Variants in TMEM163 observed in about 807,000 individuals in gnomAD.
TMEM163 encodes transmembrane protein 163.
TMEM163 carries 17 observed loss-of-function variants against 29.3 expected under a neutral mutation model. That is an observed-to-expected ratio of 0.58 (90% CI 0.40 to 0.87). The LOEUF (loss-of-function observed/expected upper bound fraction) is 0.87. TMEM163 is among the 40% of genes least tolerant of loss of function. The pLI, the probability that TMEM163 is intolerant of heterozygous loss-of-function variation, is 0.00. For synonymous variants in TMEM163, 157 were observed against 160.6 expected, an observed-to-expected ratio of 0.98 and a Z score of 0.17; for missense variants, 303 against 381.5, an observed-to-expected ratio of 0.79 and a Z score of 1.71.
At chr2:134,603,855 G>A (rs1362510267) in intron 2 of TMEM163, among the ~76,000 whole-genome samples, 2 of 149,082 alleles carry the variant, frequency 1.3e-5, no homozygotes, top group South Asian at 2.2e-4. Context: ...GGGAGGGGAG[G>A]GGAGGGAACA....
intron 2 of TMEM163, among the ~76,000 whole-genome samples, chr2:134,670,646 A>G (rs2104866329): frequency 6.6e-6 from 1 of 152,354 alleles, no homozygotes; most frequent in African/African-American, 2.4e-5. Context: ...ACAGCAGCAA[A>G]TGACACAGAA....
intron 2 of TMEM163, among the ~76,000 whole-genome samples, chr2:134,678,114 A>G (rs1198925041): frequency 6.6e-6 from 1 of 152,176 alleles, no homozygotes; most frequent in East Asian, 1.9e-4. Flanking sequence ...CTGCTCCAGA[A>G]CGTCCATTTT....
At chr2:134,593,467 G>C (rs1170942395) in intron 2 of TMEM163, among the ~76,000 whole-genome samples, 1 of 152,162 alleles carries the variant, frequency 6.6e-6, no homozygotes, top group African/African-American at 2.4e-5. Context: ...AAGGAAGCAG[G>C]ACTTGTCATG....
At position 134,541,772 on chromosome 2, in the gene TMEM163, G is replaced by GCA. The variant is rs57326163; in HGVS notation, c.458+8796_458+8797dup. ...TGGATATACGTGTGTGTACACACGT[G>GCA]CACACACACACACACACACACACAC... On this transcript the variant is annotated intron_variant, in intron 4 of 7. Transcript: ENST00000281924. Among the ~76,000 whole-genome samples, 777 of 150,086 alleles carry GCA rather than the reference G, an allele frequency of 5.2e-3. 2 individuals are homozygous for GCA. The highest frequency in any genetic ancestry group is 0.013 in the African/African-American group (540 of 40,732).
At chr2:134,550,177 A>G (rs543586614) in intron 4 of TMEM163, among the ~76,000 whole-genome samples, 25 of 152,324 alleles carry the variant, frequency 1.6e-4, no homozygotes, top group African/African-American at 5.8e-4. Context: ...AGGCAAATAG[A>G]ATAATTTAGA....
intron 4 of TMEM163, among the ~76,000 whole-genome samples, chr2:134,512,907 A>AG (rs1679980898): frequency 6.6e-6 from 1 of 152,216 alleles, no homozygotes; most frequent in African/African-American, 2.4e-5. Flanking sequence ...GGCACTATCC[A>AG]GGCCAGGTGA....
At chr2:134,534,846 T>C (rs1289935334) in intron 4 of TMEM163, among the ~76,000 whole-genome samples, 2 of 152,266 alleles carry the variant, frequency 1.3e-5, no homozygotes, top group East Asian at 3.9e-4. Context: ...CTGTCCTGAG[T>C]CGTCAACCCA....
At chr2:134,716,020 C>T (rs1028454412) in intron 1 of TMEM163, among the ~76,000 whole-genome samples, 1 of 152,174 alleles carries the variant, frequency 6.6e-6, no homozygotes, top group African/African-American at 2.4e-5. Flanking sequence ...GTTATTTCTA[C>T]ACTAGTATGC....
intron 5 of TMEM163, among the ~76,000 whole-genome samples, chr2:134,496,731 C>T (rs530694938): frequency 6.6e-6 from 1 of 152,210 alleles, no homozygotes; most frequent in African/African-American, 2.4e-5. Context: ...GGAAGGGGAA[C>T]CTTACTAATT....
chr2:134,563,119 G>A lies in TMEM163; in HGVS notation c.323-11028C>T, dbSNP rs114071259. On this transcript the variant is annotated intron_variant, in intron 2 of 7. Coordinates refer to ENST00000281924, the MANE Select transcript of TMEM163 (RefSeq NM_030923.5). ...ATTCTACACACTAGAGAGCAAAGGC[G>A]TGAACCAAAGGAGTGCGTGCTCAGA... 5.3e-3 allele frequency among the ~76,000 whole-genome samples: 803 copies of A among 152,302 alleles called. 3 individuals carry two copies. The highest frequency in any genetic ancestry group is 8.6e-3 in the Non-Finnish European group (586 of 68,030).
At chr2:134,545,866 G>C (rs1680770590) in intron 4 of TMEM163, among the ~76,000 whole-genome samples, 1 of 152,144 alleles carries the variant, frequency 6.6e-6, no homozygotes, top group African/African-American at 2.4e-5. Flanking sequence ...TTCTAATCAA[G>C]ACTGCTAATC....
chr2:134,645,416 A>T (rs2104843088), intron 2 of TMEM163, among the ~76,000 whole-genome samples: 1 of 152,360 alleles, frequency 6.6e-6, no homozygotes, highest in Admixed American at 6.5e-5. Flanking sequence ...CCACATGGTC[A>T]GCAAGGCCAA....
intron 4 of TMEM163, among the ~76,000 whole-genome samples, chr2:134,516,783 A>G (rs914759004): frequency 1.3e-5 from 2 of 149,074 alleles, no homozygotes; most frequent in African/African-American, 4.9e-5. Flanking sequence ...ATCTATTCAT[A>G]TATATATGCA....
At chr2:134,708,868 T>C (rs1684871008) in intron 2 of TMEM163, among the ~76,000 whole-genome samples, 2 of 152,214 alleles carry the variant, frequency 1.3e-5, no homozygotes, top group Admixed American at 1.3e-4. Flanking sequence ...ATTACAAGCA[T>C]GAGCCATCGC....
intron 2 of TMEM163, among the ~76,000 whole-genome samples, chr2:134,627,185 C>T (rs996170466): frequency 3.3e-5 from 5 of 152,066 alleles, no homozygotes; most frequent in African/African-American, 1.2e-4. Context: ...ATGTCTTTTT[C>T]CTGTGTCTCT....
intron 4 of TMEM163, among the ~76,000 whole-genome samples, chr2:134,511,004 A>T (rs1025695797): frequency 6.6e-6 from 1 of 152,178 alleles, no homozygotes; most frequent in Non-Finnish European, 1.5e-5. Context: ...TCAGCAAAAC[A>T]CTGATTCTTG....
At chr2:134,698,463 T>C (rs1407018777) in intron 2 of TMEM163, among the ~76,000 whole-genome samples, 2 of 152,138 alleles carry the variant, frequency 1.3e-5, no homozygotes, top group African/African-American at 4.8e-5. Flanking sequence ...TTCTTTTCTT[T>C]TTCATTCAAT....
At chr2:134,610,973 G>A (rs1488250931) in intron 2 of TMEM163, among the ~76,000 whole-genome samples, 1 of 152,072 alleles carries the variant, frequency 6.6e-6, no homozygotes, top group Non-Finnish European at 1.5e-5. Context: ...CGGGTCAGCA[G>A]CACTATTTCA....
intron 2 of TMEM163, among the ~76,000 whole-genome samples, chr2:134,711,115 A>T (rs776095493): frequency 3.3e-5 from 5 of 152,242 alleles, no homozygotes; most frequent in Non-Finnish European, 7.3e-5. Flanking sequence ...GTCAGTTTAT[A>T]TTGCTTAATC....
Sources: allele counts gnomAD v4.1 joint callset (sites outside exome capture counted in the v4.1 genomes callset), GRCh38; gene constraint gnomAD v4.1.1; transcripts MANE v1.5; gene names NCBI Gene and HGNC (gene_info 2026-07-23, HGNC 2026-07-21).